LINC00305: variants seen among roughly 807,000 people sequenced by gnomAD.
LINC00305 encodes long independently transcribed non-coding RNA 305.
At chr18:64,091,124 T>C (rs978805363) in intron 3 of LINC00305, among the ~76,000 whole-genome samples, 2 of 152,246 alleles carry the variant, frequency 1.3e-5, no homozygotes, top group African/African-American at 4.8e-5. Context: ...AATAACATGC[T>C]AGTGTTCCCT....
chr18:64,131,499 T>C (rs1475291348), intron 1 of LINC00305, among the ~76,000 whole-genome samples: 1 of 152,194 alleles, frequency 6.6e-6, no homozygotes, highest in Non-Finnish European at 1.5e-5. Context: ...TGATAAATCA[T>C]CCATTTATGT....
At chr18:64,090,327 C>T (rs1401359053) in intron 3 of LINC00305, among the ~76,000 whole-genome samples, 1 of 152,202 alleles carries the variant, frequency 6.6e-6, no homozygotes, top group Non-Finnish European at 1.5e-5. Flanking sequence ...TAATCTCTCA[C>T]AACCTCATTC....
intron 1 of LINC00305, among the ~76,000 whole-genome samples, chr18:64,114,350 G>C (rs2051328466): frequency 6.6e-6 from 1 of 152,184 alleles, no homozygotes; most frequent in African/African-American, 2.4e-5. Context: ...CTTTGGGGGA[G>C]GAGACGGGTG....
chr18:64,121,164 A>T (rs1456178637), intron 1 of LINC00305, among the ~76,000 whole-genome samples: 1 of 152,158 alleles, frequency 6.6e-6, no homozygotes, highest in African/African-American at 2.4e-5. Flanking sequence ...GCAAATCACT[A>T]AACATTAGGC....
rs183868358 is a variant in LINC00305 at position 64,097,323 on chromosome 18, T to G, written n.540+511A>C. Among the ~76,000 whole-genome samples the G allele has an allele frequency of 2.2e-4, 33 of 152,260 alleles. No homozygotes were observed. In the East Asian group the frequency reaches 4.2e-3, roughly 20 times the overall value. Reference sequence around the variant, plus strand: ...ATTTGATTTATATTATATACAATTATGTTATTTTGTAAAAACCAAAGAGTC... The same window carrying G: ...ATTTGATTTATATTATATACAATTAGGTTATTTTGTAAAAACCAAAGAGTC... On this transcript the variant is annotated intron_variant and non_coding_transcript_variant, in intron 3 of 3. Coordinates refer to ENST00000666468, the Ensembl canonical transcript of LINC00305.
rs368895540 is a variant in LINC00305, at chr18:64,130,362, A to C, written n.314+18413T>G. The stretch of plus-strand genomic sequence containing the variant: ...GAATAATTAGGTCCCTTTTTCTTAC[A>C]ATTTCTGTGTGTTTTAAATCTCTTA... On this transcript the variant is annotated intron_variant and non_coding_transcript_variant, in intron 1 of 3. Coordinates refer to ENST00000666468, the Ensembl canonical transcript of LINC00305. Among the ~76,000 whole-genome samples, 12 of 152,102 alleles carry C rather than the reference A, an allele frequency of 7.9e-5. No individual in the cohort carries two copies. The East Asian group carries it at 2.1e-3, about 27-fold the overall frequency.
chr18:64,146,648 AGTTTCT>A (rs149014475), intron 1 of LINC00305, among the ~76,000 whole-genome samples: 2 of 152,326 alleles, frequency 1.3e-5, no homozygotes, highest in East Asian at 3.9e-4. Flanking sequence ...ATCTTTCTTA[AGTTTCT>A]GTTAAAGTAT....
intron 1 of LINC00305, among the ~76,000 whole-genome samples, chr18:64,132,517 C>G (rs1054418333): frequency 2.6e-5 from 4 of 152,146 alleles, no homozygotes; most frequent in African/African-American, 9.7e-5. Flanking sequence ...ACTCCCCCCC[C>G]GAGTAACTCA....
chr18:64,087,870 T>A (rs2063742504), intron 3 of LINC00305, among the ~76,000 whole-genome samples: 1 of 151,492 alleles, frequency 6.6e-6, no homozygotes, highest in Non-Finnish European at 1.5e-5. Context: ...GGCGGATGGA[T>A]CACAAGGTCA....
chr18:64,090,379 C>A (rs1211369112), intron 3 of LINC00305, among the ~76,000 whole-genome samples: 1 of 152,156 alleles, frequency 6.6e-6, no homozygotes, highest in Non-Finnish European at 1.5e-5. Context: ...TAATAAAATT[C>A]TCCTGGTGTT....
chr18:64,125,555 C>T (rs909773748), intron 1 of LINC00305, among the ~76,000 whole-genome samples: 9 of 151,932 alleles, frequency 5.9e-5, no homozygotes, highest in Non-Finnish European at 1.2e-4. Flanking sequence ...TTAAGTATGT[C>T]GCAATTTTTT....
At chr18:64,086,347 C>T (rs1001723472) in intron 3 of LINC00305, among the ~76,000 whole-genome samples, 1 of 152,072 alleles carries the variant, frequency 6.6e-6, no homozygotes, top group Non-Finnish European at 1.5e-5. Context: ...AAATATATGT[C>T]ATATCAAAAT....
intron 1 of LINC00305, among the ~76,000 whole-genome samples, chr18:64,143,652 T>C (rs1251996234): frequency 2.7e-5 from 4 of 148,724 alleles, no homozygotes; most frequent in South Asian, 2.1e-4. Flanking sequence ...TATACATATG[T>C]ATGTACACGT....
intron 1 of LINC00305, among the ~76,000 whole-genome samples, chr18:64,138,088 C>A (rs1190543436): frequency 1.3e-5 from 2 of 152,104 alleles, no homozygotes; most frequent in African/African-American, 4.8e-5. Context: ...GTTTGCAGAT[C>A]AGCAGATCAA....
intron 2 of LINC00305, among the ~76,000 whole-genome samples, chr18:64,098,303 T>C (rs547002877): frequency 4.8e-4 from 73 of 152,298 alleles, no homozygotes; most frequent in Non-Finnish European, 9.3e-4. Context: ...AGTTCTGTTA[T>C]TATAAAAATC....
At chr18:64,126,492 T>C (rs985736716) in intron 1 of LINC00305, among the ~76,000 whole-genome samples, 1 of 152,106 alleles carries the variant, frequency 6.6e-6, no homozygotes, top group Non-Finnish European at 1.5e-5. Context: ...CGGTTAGACA[T>C]GCTGACCAAC....
chr18:64,105,016 A>AC (rs532031768), intron 1 of LINC00305, among the ~76,000 whole-genome samples: 94 of 142,478 alleles, frequency 6.6e-4, no homozygotes, highest in Non-Finnish European at 1.0e-3. Flanking sequence ...TTCAGCACCC[A>AC]CCCCCCAGCT....
At position 64,143,759 on chromosome 18, in the gene LINC00305, A is replaced by ACATATTATGCGTACATGTATGTC. The variant is rs1568120327; in HGVS notation, n.314+5015_314+5016insGACATACATGTACGCATAATATG. On this transcript the variant is annotated intron_variant and non_coding_transcript_variant, in intron 1 of 3. Coordinates refer to ENST00000666468, the Ensembl canonical transcript of LINC00305. ...CCACATATTATGCGTACATGTATGT[A>ACATATTATGCGTACATGTATGTC]CACATATTATGCGTACATGTATGTA... 2.1e-3 allele frequency among the ~76,000 whole-genome samples: 113 copies of ACATATTATGCGTACATGTATGTC among 52,638 alleles called. 21 individuals carry two copies. The highest frequency in any genetic ancestry group is 2.5e-3 in the Non-Finnish European group (66 of 26,752). The allele number at this position is 52,638 out of a possible 152,430, so 34.5% of individuals were successfully genotyped here.
At chr18:64,123,004 A>G (rs1170371349) in intron 1 of LINC00305, among the ~76,000 whole-genome samples, 1 of 152,076 alleles carries the variant, frequency 6.6e-6, no homozygotes, top group African/African-American at 2.4e-5. Context: ...TAATTGGTAT[A>G]TAGAATTAAT....
Sources: allele counts gnomAD v4.1 joint callset (sites outside exome capture counted in the v4.1 genomes callset), GRCh38; gene constraint gnomAD v4.1.1; transcripts MANE v1.5; gene names NCBI Gene and HGNC (gene_info 2026-07-23, HGNC 2026-07-21).